Variants in XRCC6 observed in about 807,000 individuals in gnomAD.
XRCC6 encodes X-ray repair cross complementing 6, also known as DNA repair protein Ku70.
Under a neutral mutation model 65.7 loss-of-function variants are expected in XRCC6, and 5 were observed. The ratio of observed to expected loss-of-function variants is 0.08; its 90% CI spans 0.04 to 0.16. The LOEUF is 0.16. XRCC6 is among the 10% of genes least tolerant of loss of function. The pLI, the probability that XRCC6 is intolerant of heterozygous loss-of-function variation, is 1.00. For synonymous variants in XRCC6, 270 were observed against 270.6 expected, an observed-to-expected ratio of 1.00 and a Z score of 0.02; for missense variants, 447 against 738.1, an observed-to-expected ratio of 0.61 and a Z score of 4.57.
chr22:41,636,777 A>T lies in XRCC6; in HGVS notation c.589+7A>T, dbSNP rs1256804458. ...GGTGATCTCCGAGATACAGGTGGGC[A>T]TATTTCCCCGTTCTCTTAAATTGGC... is the stretch of plus-strand genomic sequence containing the variant. On this transcript the variant is annotated splice_region_variant and intron_variant, in intron 5 of 12. Coordinates refer to ENST00000360079, the MANE Select transcript of XRCC6 (RefSeq NM_001469.5). The T allele has an allele frequency of 2.5e-6, 4 of 1,611,352 alleles. No individual in the cohort carries two copies. The African/African-American group carries it at 5.3e-5, about 22-fold the overall frequency.
chr22:41,624,636 T>C (rs6002424), intron 2 of XRCC6, among the ~76,000 whole-genome samples: 149,042 of 149,138 alleles, frequency 1, 74,473 homozygotes, highest in Middle Eastern at 1. Context: ...TGCAGTGAGC[T>C]GAGATTGCAT....
chr22:41,645,625 A>G (rs1336631398), intron 6 of XRCC6, among the ~76,000 whole-genome samples: 2 of 152,010 alleles, frequency 1.3e-5, no homozygotes, highest in African/African-American at 2.4e-5. Context: ...GTAATTCCCA[A>G]AGAAAAATTG....
chr22:41,638,776 C>CAAAAAAA (rs56677816), intron 6 of XRCC6, among the ~76,000 whole-genome samples: 20 of 65,566 alleles, frequency 3.1e-4, no homozygotes, highest in East Asian at 4.5e-4. Flanking sequence ...GACTCCGCCT[C>CAAAAAAA]AAAAAAAAAA....
intron 7 of XRCC6, among the ~76,000 whole-genome samples, chr22:41,647,486 C>T (rs2067944559): frequency 6.6e-6 from 1 of 150,384 alleles, no homozygotes; most frequent in Non-Finnish European, 1.5e-5. Flanking sequence ...GAGGCTGAGG[C>T]AGGAGAATCA....
intron 9 of XRCC6, 100 bp from the exon 10 acceptor site, chr22:41,656,803 C>T (rs2068049068): frequency 1.3e-6 from 2 of 1,551,566 alleles, no homozygotes; most frequent in Admixed American, 2.0e-5. Context: ...GGGGCCCCAG[C>T]CCCAGCACCA....
At chr22:41,643,058 C>G (rs1454636931) in intron 6 of XRCC6, among the ~76,000 whole-genome samples, 1 of 152,214 alleles carries the variant, frequency 6.6e-6, no homozygotes, top group African/African-American at 2.4e-5. Context: ...TCTTTAAATA[C>G]TGCTAGGTGT....
At chr22:41,659,503 G>A (rs554726850) in intron 11 of XRCC6, among the ~76,000 whole-genome samples, 3 of 151,844 alleles carry the variant, frequency 2.0e-5, no homozygotes, top group African/African-American at 7.2e-5. Flanking sequence ...GCTGCGCACG[G>A]CCTATTTTGT....
intron 8 of XRCC6, among the ~76,000 whole-genome samples, chr22:41,651,882 C>G (rs1272353879): frequency 6.6e-6 from 1 of 152,052 alleles, no homozygotes; most frequent in Non-Finnish European, 1.5e-5. Flanking sequence ...CCCCTGGGTT[C>G]AAGCGAGTCT....
At chr22:41,661,469 G>A (rs755811216) in intron 12 of XRCC6, 25 bp downstream of exon 12, 1 of 1,598,696 alleles carries the variant, frequency 6.3e-7, no homozygotes, top group Admixed American at 1.7e-5. Context: ...GTGGACATGT[G>A]GGCTATTTTT....
chr22:41,640,037 T>G (rs2067858596), intron 6 of XRCC6, among the ~76,000 whole-genome samples: 1 of 152,074 alleles, frequency 6.6e-6, no homozygotes, highest in African/African-American at 2.4e-5. Flanking sequence ...ACCTACAGCC[T>G]TTTATTTATT....
intron 11 of XRCC6, among the ~76,000 whole-genome samples, chr22:41,659,215 T>C (rs1298870153): frequency 6.6e-6 from 1 of 152,054 alleles, no homozygotes; most frequent in Non-Finnish European, 1.5e-5. Flanking sequence ...TATTGGACCA[T>C]TGTTACTGTG....
chr22:41,654,819 C>T (rs761902003), intron 9 of XRCC6, among the ~76,000 whole-genome samples: 24 of 152,142 alleles, frequency 1.6e-4, no homozygotes, highest in Non-Finnish European at 2.2e-4. Flanking sequence ...AACCAACTGC[C>T]GCCAGGTAAA....
chr22:41,640,131 G>GTCT (rs1348542744), intron 6 of XRCC6, among the ~76,000 whole-genome samples: 2 of 151,838 alleles, frequency 1.3e-5, no homozygotes, highest in Admixed American at 6.6e-5. Context: ...GTCTTCTGTG[G>GTCT]TCTTCCTGTC....
At chr22:41,660,033 G>C (rs1284385106) in intron 11 of XRCC6, among the ~76,000 whole-genome samples, 1 of 152,234 alleles carries the variant, frequency 6.6e-6, no homozygotes, top group African/African-American at 2.4e-5. Flanking sequence ...TTGGGAGCCA[G>C]TGCTCTTGCA....
intron 3 of XRCC6, among the ~76,000 whole-genome samples, chr22:41,632,125 A>AGGGAGAGGGAGACCGTG (rs1197721630): frequency 0.037 from 5,381 of 147,176 alleles, 222 homozygotes; most frequent in African/African-American, 0.098. Context: ...GTGGAAAGAG[A>AGGGAGAGGGAGACCGTG]GGGAGAGGGA....
chr22:41,660,235 A>G (rs1455525478), intron 11 of XRCC6, among the ~76,000 whole-genome samples: 1 of 152,188 alleles, frequency 6.6e-6, no homozygotes, highest in Non-Finnish European at 1.5e-5. Flanking sequence ...ATTTAACAAT[A>G]TAGTTGTAAG....
chr22:41,629,317 CA>C (rs757880325), intron 3 of XRCC6, among the ~76,000 whole-genome samples: 38 of 152,102 alleles, frequency 2.5e-4, no homozygotes, highest in Non-Finnish European at 5.0e-4. Context: ...TATCTTATTC[CA>C]AAACATTTTG....
intron 3 of XRCC6, among the ~76,000 whole-genome samples, chr22:41,633,247 G>A (rs1020765409): frequency 6.6e-6 from 1 of 152,166 alleles, no homozygotes. Context: ...ACAGAACCTT[G>A]CCCCACAATC....
chr22:41,623,762 C>G (rs1240818978), intron 2 of XRCC6, among the ~76,000 whole-genome samples: 1 of 151,810 alleles, frequency 6.6e-6, no homozygotes, highest in East Asian at 1.9e-4. Flanking sequence ...GCTCTGTCGC[C>G]CAGGCTGGAG....
Sources: allele counts gnomAD v4.1 joint callset (sites outside exome capture counted in the v4.1 genomes callset), GRCh38; gene constraint gnomAD v4.1.1; transcripts MANE v1.5; gene names NCBI Gene and HGNC (gene_info 2026-07-23, HGNC 2026-07-21).